Variants in BIRC6 observed in about 807,000 individuals in gnomAD.
The protein encoded by BIRC6 is baculoviral IAP repeat containing 6.
In BIRC6, 98 loss-of-function variants were observed where a neutral mutation model predicts 503.3. That is an observed-to-expected ratio of 0.19 (90% CI 0.17 to 0.23). The LOEUF is 0.23. Ranked by LOEUF, BIRC6 falls within the 10% of genes least tolerant of loss-of-function variation. The pLI is 1.00. For missense variants in BIRC6, 5,360 were observed against 5,806.0 expected (o/e 0.92, Z 2.50); for synonymous variants, 2,240 against 2,078.7 (o/e 1.08, Z -2.11).
chr2:32,602,396 C>A (rs1012624399), intron 70 of BIRC6: 2 of 151,882 alleles, frequency 1.3e-5, no homozygotes, highest in African/African-American at 4.8e-5. Flanking sequence ...TCTCAATCAA[C>A]GTAGAGAGTA....
chr2:32,362,255 A>C (rs1274031256), intron 1 of BIRC6, among the ~76,000 whole-genome samples: 2 of 151,230 alleles, frequency 1.3e-5, no homozygotes, highest in Non-Finnish European at 2.9e-5. Context: ...TCCTAATGAC[A>C]TGATGTTGAG....
At chr2:32,487,135 A>G (rs2051092609) in intron 40 of BIRC6, among the ~76,000 whole-genome samples, 1 of 152,166 alleles carries the variant, frequency 6.6e-6, no homozygotes, top group African/African-American at 2.4e-5. Flanking sequence ...TAAATATATG[A>G]TAAAGCTCTT....
Position 32,491,532 on chromosome 2 carries a change from C to A in BIRC6, c.8314C>A (p.His2772Asn). 1 of 1,613,542 alleles carries A rather than the reference C, an allele frequency of 6.2e-7. No individual in the cohort carries two copies. The highest frequency in any genetic ancestry group is 8.5e-7 in the Non-Finnish European group (1 of 1,179,642). Residue 2772 changes from histidine to asparagine, a missense_variant, in exon 44 of 74, where the codon CAT becomes AAT. Transcript: ENST00000421745. ...GAAATTTCTTTCTGGCACCAGTCCA[C>A]ATGGAACAAATCAACACAGTCCACA... ...LVKFLSGTSP[H>N]GTNQHSPQVG...
chr2:32,502,913 T>C, intron 48 of BIRC6, 22 bp downstream of exon 48: 1 of 1,576,886 alleles, frequency 6.3e-7, no homozygotes, highest in Non-Finnish European at 8.7e-7. Context: ...TTTCAATAAC[T>C]ATCATTTAAG....
intron 5 of BIRC6, among the ~76,000 whole-genome samples, chr2:32,395,186 T>C (rs1315065968): frequency 6.6e-6 from 1 of 151,976 alleles, no homozygotes; most frequent in Non-Finnish European, 1.5e-5. Context: ...CAGAAACAAA[T>C]AGTGTAAACC....
At chr2:32,383,588 G>A (rs779157452) in intron 3 of BIRC6, among the ~76,000 whole-genome samples, 20 of 152,016 alleles carry the variant, frequency 1.3e-4, no homozygotes, top group Non-Finnish European at 2.8e-4. Flanking sequence ...CCAGGCTGGA[G>A]TGCAGTGATC....
At chr2:32,441,865 G>A (rs1449589119) in intron 17 of BIRC6, among the ~76,000 whole-genome samples, 200 bp from the exon 18 acceptor site, 1 of 152,076 alleles carries the variant, frequency 6.6e-6, no homozygotes, top group African/African-American at 2.4e-5. Flanking sequence ...CACATTCCAT[G>A]TTACATTACA....
intron 23 of BIRC6, among the ~76,000 whole-genome samples, chr2:32,457,867 A>G (rs1379212620): frequency 1.3e-5 from 2 of 152,118 alleles, no homozygotes; most frequent in Non-Finnish European, 2.9e-5. Context: ...AGATTCCAAT[A>G]TCATTGTTAT....
At position 32,515,643 on chromosome 2, in the gene BIRC6, C is replaced by G. The variant is rs374483625; in HGVS notation, c.11222C>G (p.Ala3741Gly). 20 of 1,611,548 alleles carry G rather than the reference C, an allele frequency of 1.2e-5. No homozygotes were observed. In the African/African-American group the frequency reaches 2.1e-4, roughly 17 times the overall value. Residue 3741 changes from alanine to glycine, a missense_variant, in exon 55 of 74, where the codon GCT (alanine) becomes GGT (glycine). Transcript: ENST00000421745. ...GCACAACAGACCAGTGCAAGATCAGCTTCTCTTTCTTCAGCTGCTACAACA... is the reference window on the plus strand; with the variant it reads ...GCACAACAGACCAGTGCAAGATCAGGTTCTCTTTCTTCAGCTGCTACAACA... The part of the protein sequence containing the change: ...LGAQQTSARS[A>G]SLSSAATTGL...
chr2:32,468,463 A>T lies in BIRC6; in HGVS notation c.5807A>T (p.Glu1936Val), dbSNP rs1205628024. ...CRYNLACHRL[E>V]TLLQSIDLPP... is the part of the protein sequence containing the mutation. ...TATAACTTGGCTTGTCATCGTCTGG[A>T]AACCCTTTTGCAAAGTATTGATCTT... The change falls in exon 29 of 74, where the codon GAA (glutamate) becomes GTA (valine). Residue 1936 changes from glutamate to valine, a missense_variant. Physicochemically the swap from Glu to Val is moderately radical, Grantham distance 121 (BLOSUM62 -2). This residue lies in a region of BIRC6 where 2,299 missense variants were observed against 2,267.2 expected (regional missense o/e 1.01). Coordinates refer to ENST00000421745, the MANE Select transcript of BIRC6 (RefSeq NM_016252.4). 6 of 1,587,916 alleles carry T rather than the reference A, an allele frequency of 3.8e-6. No individual in the cohort carries two copies. The highest frequency in any genetic ancestry group is 5.1e-6 in the Non-Finnish European group (6 of 1,166,462).
chr2:32,527,074 C>T (rs1294306762), intron 59 of BIRC6: 5 of 152,170 alleles, frequency 3.3e-5, no homozygotes, highest in African/African-American at 1.2e-4. Context: ...GAATAACTGT[C>T]CTGGGATGTG....
chr2:32,517,793 G>T (rs1226917554), intron 55 of BIRC6, among the ~76,000 whole-genome samples: 3 of 152,018 alleles, frequency 2.0e-5, no homozygotes, highest in African/African-American at 4.8e-5. Flanking sequence ...CGTTGCCTAG[G>T]CTGGTCTGGA....
chr2:32,429,556 A>AT (rs2043876327), intron 11 of BIRC6, among the ~76,000 whole-genome samples: 1 of 135,952 alleles, frequency 7.4e-6, no homozygotes, highest in Admixed American at 8.0e-5. Context: ...ACTGGCTCAT[A>AT]TTATTAATAT....
At position 32,505,007 on chromosome 2, in the gene BIRC6, A is replaced by T. The variant is rs1280967799; in HGVS notation, c.9502A>T (p.Thr3168Ser). The T allele has an allele frequency of 6.2e-7, 1 of 1,612,332 alleles. No individual in the cohort carries two copies. Among genetic ancestry groups the T allele is most frequent in the Non-Finnish European group, 8.5e-7 (1 of 1,178,902 alleles). ...TTTATGTAAAATATCTTCTCTAGGT[A>T]CAATCACATCTAGCAGTCCTACTGC... ...EGIHNFAPLG[T>S]ITSSSPTAQP... The change falls in exon 50 of 74, where the codon ACA becomes TCA. Residue 3168 changes from threonine (T) to serine (S), a missense_variant and splice_region_variant. Thr to Ser is a moderately conservative substitution (Grantham distance 58, BLOSUM62 1). Around this residue, in one of 16 missense-constraint regions of BIRC6, gnomAD observed 267 missense variants for 287.6 expected, o/e 0.93. Transcript: ENST00000421745.
rs2055346896 is a variant in BIRC6 at position 32,518,913 on chromosome 2, A to G, written c.11590A>G (p.Thr3864Ala). ...KFRTLHLPVS[T>A]TLSDVLDRVS... ...CCGTACTCTTCATTTGCCAGTCTCAACAACATTATCAGATGTTCTTGACAG... is the reference window on the plus strand; with the variant it reads ...CCGTACTCTTCATTTGCCAGTCTCAGCAACATTATCAGATGTTCTTGACAG... The change falls in exon 57 of 74, where the codon ACA becomes GCA. Residue 3864 changes from threonine to alanine, a missense_variant. Coordinates refer to ENST00000421745, the MANE Select transcript of BIRC6 (RefSeq NM_016252.4). 1.9e-6 allele frequency: 3 copies of G among 1,613,702 alleles called. No homozygotes were observed. Among genetic ancestry groups the G allele is most frequent in the South Asian group, 1.1e-5 (1 of 91,084 alleles).
intron 23 of BIRC6, among the ~76,000 whole-genome samples, chr2:32,457,768 T>C (rs763768026): frequency 7.2e-5 from 11 of 152,156 alleles, no homozygotes; most frequent in Admixed American, 2.0e-4. Context: ...TTTGTACTTA[T>C]CTACTGATGA....
intron 10 of BIRC6, among the ~76,000 whole-genome samples, chr2:32,425,365 G>A (rs1020014426): frequency 1.3e-5 from 2 of 150,434 alleles, no homozygotes; most frequent in African/African-American, 2.4e-5. Flanking sequence ...TATATAAAGA[G>A]AATTCATTTA....
rs1437108898 is a variant in BIRC6, at chr2:32,464,747, T to A, written c.5180T>A (p.Leu1727His). 1 of 1,614,016 alleles carries A rather than the reference T, an allele frequency of 6.2e-7. No homozygotes were observed. The highest frequency in any genetic ancestry group is 1.1e-5 in the South Asian group (1 of 91,088). Residue 1727 changes from leucine to histidine, a missense_variant, in exon 25 of 74, where the codon CTT becomes CAT. Around this residue, in one of 16 missense-constraint regions of BIRC6, gnomAD observed 2,299 missense variants for 2,267.2 expected, o/e 1.01. Coordinates refer to ENST00000421745, the MANE Select transcript of BIRC6 (RefSeq NM_016252.4). ...GTGATTAATGCCGAACTTGCACAGC[T>A]TTTCCCAGGCTCAGTCATTGATCCC... Reference protein sequence around the residue: ...SVVINAELAQLFPGSVIDPPA... With the variant: ...SVVINAELAQHFPGSVIDPPA...
intron 10 of BIRC6, among the ~76,000 whole-genome samples, chr2:32,421,525 G>A (rs982016773): frequency 1.3e-5 from 2 of 152,096 alleles, no homozygotes; most frequent in Non-Finnish European, 2.9e-5. Flanking sequence ...TTGATACATT[G>A]TGTTTTTCCT....
Sources: allele counts gnomAD v4.1 joint callset (sites outside exome capture counted in the v4.1 genomes callset), GRCh38; gene constraint gnomAD v4.1.1; regional missense constraint gnomAD v4.1.1; transcripts MANE v1.5; gene names NCBI Gene and HGNC (gene_info 2026-07-23, HGNC 2026-07-21).